The following ARHGAP29 variants were observed in gnomAD, a reference collection of about 807,000 sequenced individuals.
ARHGAP29 encodes rho GTPase-activating protein 29.
A neutral mutation model predicts 122.6 loss-of-function variants in ARHGAP29; 43 were observed. That is an observed-to-expected ratio of 0.35 (90% confidence interval 0.27 to 0.45). The LOEUF (loss-of-function observed/expected upper bound fraction) is 0.45, where lower values mean the gene tolerates loss of function less well. Among genes scored for constraint, ARHGAP29 ranks in the 20% least tolerant of loss-of-function variants. ARHGAP29 has a pLI of 1.00. For synonymous variants in ARHGAP29, 506 were observed against 497.1 expected (o/e 1.02, Z -0.24); for missense variants, 1,303 against 1,477.2 (o/e 0.88, Z 1.93).
chr1:94,307,937 C>A, the ARHGAP29 span, among the ~76,000 whole-genome samples: 293 of 152,336 alleles, frequency 1.9e-3, 2 homozygotes, highest in Middle Eastern at 3.4e-3. Context: ...TTCTGCCTAG[C>A]AAAGCACTGA....
chr1:94,183,694 T>A (rs1649621567), intron 19 of ARHGAP29, among the ~76,000 whole-genome samples: 1 of 152,222 alleles, frequency 6.6e-6, no homozygotes, highest in Non-Finnish European at 1.5e-5. Context: ...ATCCAGACAC[T>A]GTTTTACTTA....
At chr1:94,219,268 A>G (rs1652136963) in intron 3 of ARHGAP29, among the ~76,000 whole-genome samples, 1 of 15,154 alleles carries the variant, frequency 6.6e-5, no homozygotes, top group African/African-American at 1.3e-4. Flanking sequence ...AATCCATGTC[A>G]CCTCCTTGCA....
the ARHGAP29 span, among the ~76,000 whole-genome samples, chr1:94,307,188 G>A: frequency 4.0e-5 from 6 of 151,744 alleles, no homozygotes; most frequent in Non-Finnish European, 5.9e-5. Flanking sequence ...CATTCTTTAC[G>A]CCTGCTCCTG....
the ARHGAP29 span, among the ~76,000 whole-genome samples, chr1:94,283,224 G>A: frequency 2.6e-5 from 4 of 152,030 alleles, no homozygotes; most frequent in Admixed American, 6.6e-5. Flanking sequence ...TAGTTTGAAC[G>A]GCCACCTGGG....
chr1:94,274,408 A>C (rs1000434303), intron 1 of ARHGAP29, among the ~76,000 whole-genome samples: 1 of 152,246 alleles, frequency 6.6e-6, no homozygotes, highest in Non-Finnish European at 1.5e-5. Context: ...TGCAAAGCAC[A>C]TAAGTTACTT....
chr1:94,261,959 A>G (rs1047369517), intron 1 of ARHGAP29, among the ~76,000 whole-genome samples: 1 of 152,222 alleles, frequency 6.6e-6, no homozygotes, highest in Non-Finnish European at 1.5e-5. Flanking sequence ...AATCCTAAGC[A>G]AAAAGAAGAA....
intron 6 of ARHGAP29, 72 bp downstream of exon 6, chr1:94,205,563 G>A: frequency 7.3e-7 from 1 of 1,377,714 alleles, no homozygotes; most frequent in Non-Finnish European, 1.0e-6. Context: ...AGCAAGAAGA[G>A]ATTAATCCAG....
chr1:94,255,778 T>G (rs1056196372), intron 1 of ARHGAP29, among the ~76,000 whole-genome samples: 1 of 152,134 alleles, frequency 6.6e-6, no homozygotes, highest in African/African-American at 2.4e-5. Flanking sequence ...CTGCTCAGAG[T>G]TGAAGGGATG....
intron 22 of ARHGAP29, among the ~76,000 whole-genome samples, chr1:94,176,436 A>G (rs1325010230): frequency 6.6e-6 from 1 of 152,242 alleles, no homozygotes; most frequent in African/African-American, 2.4e-5. Flanking sequence ...AAATGTATTA[A>G]GAGAACAACC....
At chr1:94,226,761 C>T (rs1221500076) in intron 2 of ARHGAP29, among the ~76,000 whole-genome samples, 1 of 151,546 alleles carries the variant, frequency 6.6e-6, no homozygotes, top group Non-Finnish European at 1.5e-5. Flanking sequence ...AGATTCATTT[C>T]ATAACTTCTA....
chr1:94,212,147 C>T (rs145887828), intron 3 of ARHGAP29, among the ~76,000 whole-genome samples: 21 of 152,168 alleles, frequency 1.4e-4, no homozygotes, highest in East Asian at 7.7e-4. Context: ...GGGGTGGTGA[C>T]GCACTCCTGT....
At chr1:94,226,259 G>A (rs949317233) in intron 2 of ARHGAP29, among the ~76,000 whole-genome samples, 2 of 151,906 alleles carry the variant, frequency 1.3e-5, no homozygotes, top group Non-Finnish European at 2.9e-5. Context: ...TAAAAGTGAA[G>A]CCTGAGAAAC....
the ARHGAP29 span, among the ~76,000 whole-genome samples, chr1:94,307,631 C>T: frequency 2.0e-5 from 3 of 151,850 alleles, no homozygotes; most frequent in African/African-American, 7.3e-5. Flanking sequence ...GACCAGAGAC[C>T]ACATGTAAGG....
chr1:94,184,295 T>A lies in ARHGAP29; in HGVS notation c.2110-7A>T. 6.3e-7 allele frequency: 1 copy of A among 1,587,944 alleles called. No homozygotes were observed. The highest frequency in any genetic ancestry group is 1.9e-5 in the Admixed American group (1 of 52,490). On this transcript the variant is annotated splice_polypyrimidine_tract_variant and splice_region_variant and intron_variant, in intron 18 of 22. Coordinates refer to ENST00000260526, the MANE Select transcript of ARHGAP29 (RefSeq NM_004815.4). ...CACACACACGATAAATTCCCTTCAA[T>A]AGAAAAGAAAAAAATTTTGCAAAAT...
intron 19 of ARHGAP29, 47 bp from the exon 20 acceptor site, chr1:94,180,004 T>C (rs373610026): frequency 1.4e-5 from 19 of 1,345,114 alleles, no homozygotes; most frequent in Middle Eastern, 4.4e-4. Context: ...TTTTTTTCTG[T>C]TAATAATCAA....
chr1:94,294,280 A>ATG, the ARHGAP29 span, among the ~76,000 whole-genome samples: 1 of 151,782 alleles, frequency 6.6e-6, no homozygotes, highest in African/African-American at 2.4e-5. Context: ...ACACACACAC[A>ATG]CACGCGCATA....
In ARHGAP29 at chr1:94,190,020, A is replaced by T; in HGVS notation, c.1345T>A (p.Ser449Thr). The change falls in exon 13 of 23, where the codon TCT (serine) becomes ACT (threonine). Residue 449 changes from serine (S) to threonine (T), a missense_variant. By Grantham distance (58) the Ser-to-Thr change is moderately conservative. This residue lies in a region of ARHGAP29 where 592 missense variants were observed against 648.2 expected (regional missense o/e 0.91). Transcript: ENST00000260526. The stretch of plus-strand genomic sequence containing the variant: ...TAGAGTTTGGCACTATCACAGAGAG[A>T]CTGTAAACTGTCTGCAAGGGAAGCA... ...QAASLADSLQ[S>T]LCDSAKLYDP... 6.2e-7 allele frequency: 1 copy of T among 1,613,522 alleles called. No individual in the cohort carries two copies. Among genetic ancestry groups the T allele is most frequent in the Non-Finnish European group, 8.5e-7 (1 of 1,179,624 alleles).
At chr1:94,227,284 G>A (rs1009476456) in intron 2 of ARHGAP29, among the ~76,000 whole-genome samples, 6 of 151,588 alleles carry the variant, frequency 4.0e-5, no homozygotes, top group Non-Finnish European at 8.9e-5. Flanking sequence ...TTTATAAATA[G>A]TATAAAGGTG....
chr1:94,286,655 G>A, the ARHGAP29 span, among the ~76,000 whole-genome samples: 1 of 152,118 alleles, frequency 6.6e-6, no homozygotes, highest in Non-Finnish European at 1.5e-5. Flanking sequence ...GTGACAGAGT[G>A]AGACCCTGTC....
Sources: gnomAD v4.1 joint callset for allele counts (sites outside exome capture counted in the v4.1 genomes callset) on GRCh38, gnomAD v4.1.1 for gene constraint, gnomAD v4.1.1 regional missense constraint, MANE v1.5 for transcripts, NCBI Gene and HGNC (gene_info 2026-07-23, HGNC 2026-07-21) for gene names.